CDC42BPB: variants seen among roughly 807,000 people sequenced by gnomAD.
CDC42BPB encodes the protein CDC42 binding protein kinase beta, also known as serine/threonine-protein kinase MRCK beta.
A neutral mutation model predicts 214.9 loss-of-function variants in CDC42BPB; 37 were observed. The observed-to-expected ratio is 0.17, with a 90% CI of 0.13 to 0.23. The LOEUF is 0.23. CDC42BPB is among the 10% of genes least tolerant of loss of function. The probability of loss-of-function intolerance (pLI) is 1.00; values close to 1 mark genes in which losing one functional copy is unlikely to be tolerated. For synonymous variants in CDC42BPB, 931 were observed against 884.0 expected, an observed-to-expected ratio of 1.05 and a Z score of -0.94; for missense variants, 1,694 against 2,227.0, an observed-to-expected ratio of 0.76 and a Z score of 4.82.
rs34713436 is a variant in CDC42BPB, at chr14:102,954,761, C to A, written c.2902-73G>T. 5.0e-4 allele frequency: 769 copies of A among 1,536,722 alleles called. 4 individuals carry two copies. The African/African-American group carries it at 9.4e-3, about 19-fold the overall frequency. On this transcript the variant is annotated intron_variant, in intron 21 of 36. Coordinates refer to ENST00000361246, the MANE Select transcript of CDC42BPB (RefSeq NM_006035.4). ...ATGATCCAGACTCTACTTACAAGTTCTTTACTAATAAAAGCAGATTCTGTC... is the reference window on the plus strand; with the variant it reads ...ATGATCCAGACTCTACTTACAAGTTATTTACTAATAAAAGCAGATTCTGTC...
intron 5 of CDC42BPB, among the ~76,000 whole-genome samples, chr14:102,988,511 A>G (rs796748046): frequency 2.6e-5 from 4 of 152,360 alleles, no homozygotes; most frequent in African/African-American, 9.6e-5. Context: ...AGCTGTGATG[A>G]GGATCAGGCC....
At chr14:102,959,748 C>G in intron 20 of CDC42BPB, 38 bp from the exon 21 acceptor site, 1 of 1,470,788 alleles carries the variant, frequency 6.8e-7, no homozygotes, top group Non-Finnish European at 9.2e-7. Flanking sequence ...GGCAAAAAAA[C>G]TAAAGTCTAC....
At chr14:103,029,238 A>C (rs2139697968) in intron 1 of CDC42BPB, among the ~76,000 whole-genome samples, 1 of 152,350 alleles carries the variant, frequency 6.6e-6, no homozygotes, top group Admixed American at 6.5e-5. Flanking sequence ...CTAGGACCTA[A>C]TCCAGCACCA....
intron 1 of CDC42BPB, among the ~76,000 whole-genome samples, chr14:103,030,747 G>C (rs1347006264): frequency 3.3e-5 from 5 of 151,912 alleles, no homozygotes. Flanking sequence ...CACTGTGGGA[G>C]CTGAGACAGG....
rs1892004277 is a variant in CDC42BPB at position 102,943,646 on chromosome 14, G to A, written c.4408+245C>T. Among the ~76,000 whole-genome samples the A allele has an allele frequency of 6.6e-6, 1 of 152,150 alleles. No individual in the cohort carries two copies. Among genetic ancestry groups the A allele is most frequent in the South Asian group, 2.1e-4 (1 of 4,816 alleles). On this transcript the variant is annotated intron_variant, in intron 30 of 36. Transcript: ENST00000361246. This position sits in a 1 kb window ranked among gnomAD's most constrained non-coding sequence, Gnocchi z 4.6. ...GCCCGCCGACGGGGTCCTCTGCTGA[G>A]GCCTCTGGAAGAACCGGCCCCATGT... is the stretch of plus-strand genomic sequence containing the variant.
intron 5 of CDC42BPB, among the ~76,000 whole-genome samples, chr14:102,998,085 C>T (rs981065177): frequency 6.6e-6 from 1 of 152,144 alleles, no homozygotes; most frequent in African/African-American, 2.4e-5. Flanking sequence ...TGAAATCACG[C>T]CACTGCACTC....
Position 102,933,796 on chromosome 14 carries a change from G to A in CDC42BPB, c.5052C>T (p.Asn1684=). The part of the protein sequence containing the change: ...TKHSTPSNSS[N]PSGPPSPNSP... ...AGTTGGGGCTCGGTGGGCCGCTGGG[G>A]TTGGAGCTATTCGATGGAGTTGAGT... Residue 1684 remains asparagine (N), a synonymous_variant, in exon 37 of 37, where the codon AAC becomes AAT. Coordinates refer to ENST00000361246, the MANE Select transcript of CDC42BPB (RefSeq NM_006035.4). 2 of 1,512,738 alleles carry A rather than the reference G, an allele frequency of 1.3e-6. No individual in the cohort carries two copies. The highest frequency in any genetic ancestry group is 2.6e-5 in the Admixed American group (1 of 37,806). 93.7% of individuals were successfully genotyped at this position (1,512,738 alleles called of 1,614,324 possible).
At chr14:103,042,010 A>G (rs1888027433) in intron 1 of CDC42BPB, 1 of 297,298 alleles carries the variant, frequency 3.4e-6, no homozygotes, top group Non-Finnish European at 6.8e-6. Context: ...TAGTCTCCAC[A>G]TGGTCCATGC....
In CDC42BPB at chr14:103,008,654, TGTGAAACCAGCA is replaced by T. The variant is rs1232530049; in HGVS notation, c.268-111_268-100del. Reference sequence around the variant, plus strand: ...GTGAAATCCTAACAGCCCAGGAGCCTGTGAAACCAGCAGTGACCGAAAGCCAAGTTTCCCACC... The same window carrying T: ...GTGAAATCCTAACAGCCCAGGAGCCTGTGACCGAAAGCCAAGTTTCCCACC... On this transcript the variant is annotated intron_variant, in intron 2 of 36. Transcript: ENST00000361246. 81 of 1,524,446 alleles carry T rather than the reference TGTGAAACCAGCA, an allele frequency of 5.3e-5. No individual in the cohort carries two copies. In the East Asian group the frequency reaches 1.6e-3, roughly 30 times the overall value. The allele number at this position is 1,524,446 out of a possible 1,614,324, so 94.4% of individuals were successfully genotyped here. A position where few individuals can be genotyped will look rare whatever the true frequency, so the allele number is the denominator to read the frequency against.
Position 102,975,861 on chromosome 14 carries a change from CCGGAGCCGG to C in CDC42BPB, c.1387+13_1387+21del. The C allele has an allele frequency of 1.2e-6, 2 of 1,613,912 alleles. No homozygotes were observed. The highest frequency in any genetic ancestry group is 1.7e-6 in the Non-Finnish European group (2 of 1,179,888). On this transcript the variant is annotated intron_variant, in intron 10 of 36. Coordinates refer to ENST00000361246, the MANE Select transcript of CDC42BPB (RefSeq NM_006035.4). ...CTGGCCGCAGCGCCCCCGCCTGGCC[CCGGAGCCGG>C]CGCTGCCCTCACCTTGCAGCTTCCT...
intron 1 of CDC42BPB, among the ~76,000 whole-genome samples, chr14:103,051,555 G>A (rs1888609651): frequency 6.6e-6 from 1 of 152,042 alleles, no homozygotes; most frequent in African/African-American, 2.4e-5. Context: ...TAATGTCAGC[G>A]CAACCAGGAG....
intron 1 of CDC42BPB, among the ~76,000 whole-genome samples, chr14:103,044,454 C>T (rs551452231): frequency 6.6e-6 from 1 of 151,500 alleles, no homozygotes; most frequent in East Asian, 1.9e-4. Context: ...ACTGCAACCT[C>T]CACCTCCCGG....
chr14:102,946,382 T>C lies in CDC42BPB; in HGVS notation c.3748+86A>G. The C allele has an allele frequency of 3.5e-6, 5 of 1,426,460 alleles. No individual in the cohort carries two copies. In the South Asian group the frequency reaches 6.1e-5, roughly 17 times the overall value. The allele number at this position is 1,426,460 out of a possible 1,614,324, so 88.4% of individuals were successfully genotyped here. On this transcript the variant is annotated intron_variant, in intron 28 of 36. Coordinates refer to ENST00000361246, the MANE Select transcript of CDC42BPB (RefSeq NM_006035.4). Reference sequence around the variant, plus strand: ...TACAAACCCAAATGGACCTGTGACCTTCATCTGATTTTCAGATGGGCACTG... The same window carrying C: ...TACAAACCCAAATGGACCTGTGACCCTCATCTGATTTTCAGATGGGCACTG...
chr14:102,975,395 T>C (rs1180431865), intron 11 of CDC42BPB, among the ~76,000 whole-genome samples: 1 of 152,118 alleles, frequency 6.6e-6, no homozygotes, highest in Non-Finnish European at 1.5e-5. Context: ...TGGTGGCACA[T>C]GCCTGTAATC....
At chr14:102,980,367 C>T (rs1329429449) in intron 8 of CDC42BPB, among the ~76,000 whole-genome samples, 1 of 152,078 alleles carries the variant, frequency 6.6e-6, no homozygotes, top group East Asian at 1.9e-4. Context: ...GTGGCGCATG[C>T]CTGTAATCTC....
chr14:102,984,451 T>A (rs1894143712), intron 6 of CDC42BPB, among the ~76,000 whole-genome samples: 1 of 152,102 alleles, frequency 6.6e-6, no homozygotes, highest in Non-Finnish European at 1.5e-5. Flanking sequence ...GGTCCAGGCA[T>A]TAGCCGGGTG....
chr14:102,994,471 G>A (rs1214137780), intron 5 of CDC42BPB, among the ~76,000 whole-genome samples: 5 of 152,128 alleles, frequency 3.3e-5, no homozygotes, highest in Admixed American at 6.5e-5. Flanking sequence ...GCTCCCAACC[G>A]CCGAGGCCTT....
chr14:102,959,642 G>A lies in CDC42BPB; in HGVS notation c.2890C>T (p.Leu964=). ...AAACAATGACTTACTCTAAATGTCA[G>A]GTCATGTGCAAGAGGAGCAGTGTTG... ...YFNTAPLAHD[L]TFRTSSASEQ... Residue 964 remains leucine (L), a synonymous_variant, in exon 21 of 37, where the codon CTG becomes TTG. Coordinates refer to ENST00000361246, the MANE Select transcript of CDC42BPB (RefSeq NM_006035.4). The A allele has an allele frequency of 6.2e-7, 1 of 1,602,980 alleles. No individual in the cohort carries two copies. Among genetic ancestry groups the A allele is most frequent in the Non-Finnish European group, 8.5e-7 (1 of 1,173,250 alleles).
chr14:103,025,865 G>A (rs1887024267), intron 1 of CDC42BPB, among the ~76,000 whole-genome samples: 1 of 151,288 alleles, frequency 6.6e-6, no homozygotes, highest in Non-Finnish European at 1.5e-5. Context: ...TCACACGGAT[G>A]TATGTGAAGC....
Sources: allele counts gnomAD v4.1 joint callset (sites outside exome capture counted in the v4.1 genomes callset), GRCh38; gene constraint gnomAD v4.1.1; non-coding constraint Gnocchi (gnomAD v3.1); transcripts MANE v1.5; gene names NCBI Gene and HGNC (gene_info 2026-07-23, HGNC 2026-07-21).